Variants in TRPM3 observed in about 807,000 individuals in gnomAD.
TRPM3 encodes transient receptor potential cation channel subfamily M member 3.
A neutral mutation model predicts 181.2 loss-of-function variants in TRPM3; 77 were observed. That is an observed-to-expected ratio of 0.42 (90% CI 0.35 to 0.51). TRPM3 has a LOEUF of 0.51. Among genes scored for constraint, TRPM3 ranks in the 20% least tolerant of loss-of-function variants. TRPM3 has a pLI of 0.01. For synonymous variants in TRPM3, 745 were observed against 796.4 expected, an observed-to-expected ratio of 0.94 and a Z score of 1.09; for missense variants, 1,759 against 2,196.7, an observed-to-expected ratio of 0.80 and a Z score of 3.98.
At chr9:70,677,875 A>G (rs2064404903) in intron 9 of TRPM3, among the ~76,000 whole-genome samples, 1 of 152,000 alleles carries the variant, frequency 6.6e-6, no homozygotes, top group African/African-American at 2.4e-5. Flanking sequence ...GCAAATAAAG[A>G]TACAGCACTC....
chr9:71,041,282 G>A (rs2132952429), intron 1 of TRPM3, among the ~76,000 whole-genome samples: 1 of 152,206 alleles, frequency 6.6e-6, no homozygotes, highest in South Asian at 2.1e-4. Flanking sequence ...AAAATTTGGT[G>A]AATCCAAGTA....
Position 70,629,215 on chromosome 9 carries a change from C to A in TRPM3, c.1633-3698G>T, listed in dbSNP as rs57184158. Among the ~76,000 whole-genome samples the A allele has an allele frequency of 2.0e-4, 2 of 10,174 alleles. 1 individual carries two copies. Among genetic ancestry groups the A allele is most frequent in the Non-Finnish European group, 5.0e-4 (2 of 4,002 alleles). 6.7% of individuals were successfully genotyped at this position (10,174 alleles called of 152,430 possible). On this transcript the variant is annotated intron_variant, in intron 12 of 25. Transcript: ENST00000677713. ...GGATAAATGATTCTGTGACCAGTGC[C>A]GGGGGGGGGGGGGGCCTGCGTTCTG...
chr9:70,539,599 A>G (rs987203374), intron 25 of TRPM3, among the ~76,000 whole-genome samples: 10 of 151,850 alleles, frequency 6.6e-5, no homozygotes, highest in Admixed American at 5.3e-4. Context: ...GCTATTCTGT[A>G]TCTGGCAAAC....
intron 1 of TRPM3, among the ~76,000 whole-genome samples, chr9:71,207,352 T>C (rs1166338683): frequency 1.3e-5 from 2 of 152,140 alleles, no homozygotes; most frequent in Non-Finnish European, 2.9e-5. Context: ...TATTTCTCAC[T>C]GTAATTCCTA....
chr9:71,223,183 G>A lies in TRPM3; in HGVS notation c.183+223470C>T, dbSNP rs377277885. 3.3e-5 allele frequency among the ~76,000 whole-genome samples: 5 copies of A among 152,122 alleles called. No homozygotes were observed. In the East Asian group the frequency reaches 9.6e-4, roughly 29 times the overall value. ...CCCCTTCCTTCCTCTTGAGGGAAGGGTAAGAGGACTTTGTCTTGAAACTTG... is the reference window on the plus strand; with the variant it reads ...CCCCTTCCTTCCTCTTGAGGGAAGGATAAGAGGACTTTGTCTTGAAACTTG... On this transcript the variant is annotated intron_variant, in intron 1 of 24. Transcript: ENST00000357533.
intron 1 of TRPM3, among the ~76,000 whole-genome samples, chr9:71,276,062 T>G (rs1283743874): frequency 1.3e-5 from 2 of 152,072 alleles, no homozygotes; most frequent in African/African-American, 2.4e-5. Flanking sequence ...AGGATGGTCT[T>G]GATCTCCTGA....
chr9:70,567,158 C>T (rs145166304), intron 22 of TRPM3, among the ~76,000 whole-genome samples: 2 of 152,318 alleles, frequency 1.3e-5, no homozygotes, highest in African/African-American at 2.4e-5. Context: ...TCCTTAAGCA[C>T]CTTAAACTTT....
chr9:71,240,539 T>A (rs1198920643), intron 1 of TRPM3, among the ~76,000 whole-genome samples: 1 of 152,216 alleles, frequency 6.6e-6, no homozygotes, highest in Non-Finnish European at 1.5e-5. Flanking sequence ...TTTATCCAAG[T>A]CTATATTAAC....
At chr9:71,057,088 T>G (rs1249912820) in intron 1 of TRPM3, among the ~76,000 whole-genome samples, 6 of 151,908 alleles carry the variant, frequency 3.9e-5, no homozygotes, top group Non-Finnish European at 7.4e-5. Flanking sequence ...TTTTGTTAAG[T>G]CTCCAGACAC....
chr9:71,425,361 C>T (rs528992405), intron 1 of TRPM3, among the ~76,000 whole-genome samples: 7 of 152,118 alleles, frequency 4.6e-5, no homozygotes, highest in Non-Finnish European at 8.8e-5. Context: ...TGGCCTTTGG[C>T]TTTCTTCCAA....
At chr9:70,821,058 G>T (rs2093124187) in intron 6 of TRPM3, among the ~76,000 whole-genome samples, 1 of 152,154 alleles carries the variant, frequency 6.6e-6, no homozygotes, top group South Asian at 2.1e-4. Context: ...CAGAAAAGAT[G>T]ACTGTTAAAT....
chr9:70,768,998 C>T (rs944825582), intron 7 of TRPM3, among the ~76,000 whole-genome samples: 5 of 152,128 alleles, frequency 3.3e-5, no homozygotes, highest in Non-Finnish European at 5.9e-5. Context: ...GGTTTTCATC[C>T]TCATCATATC....
At chr9:70,961,674 T>C (rs2097138120) in intron 1 of TRPM3, among the ~76,000 whole-genome samples, 1 of 152,210 alleles carries the variant, frequency 6.6e-6, no homozygotes, top group South Asian at 2.1e-4. Context: ...TTGTGACTAT[T>C]TTAGTTTTCT....
intron 8 of TRPM3, among the ~76,000 whole-genome samples, chr9:70,696,111 C>A (rs777735705): frequency 2.0e-5 from 3 of 152,208 alleles, no homozygotes; most frequent in Admixed American, 6.5e-5. Flanking sequence ...ATCTTCCCCT[C>A]CGTTCTATTC....
intron 8 of TRPM3, among the ~76,000 whole-genome samples, chr9:70,695,072 C>A (rs1478995010): frequency 6.6e-6 from 1 of 152,210 alleles, no homozygotes; most frequent in African/African-American, 2.4e-5. Context: ...GACACTGGCA[C>A]TTTCTTGGCC....
At chr9:71,295,529 G>GATTATGAATCCCAAATAGCCATT (rs1454789891) in intron 1 of TRPM3, among the ~76,000 whole-genome samples, 12 of 145,560 alleles carry the variant, frequency 8.2e-5, no homozygotes, top group Non-Finnish European at 9.1e-5. Context: ...TGTATCTAAA[G>GATTATGAATCCCAAATAGCCATT]TCTCTGAAAT....
intron 6 of TRPM3, among the ~76,000 whole-genome samples, chr9:70,808,090 C>T (rs2091087269): frequency 6.6e-6 from 1 of 152,104 alleles, no homozygotes; most frequent in Admixed American, 6.5e-5. Context: ...GCTATAAAAA[C>T]AGATGAAAAA....
intron 1 of TRPM3, among the ~76,000 whole-genome samples, chr9:71,425,822 C>T (rs902776560): frequency 1.3e-5 from 2 of 152,106 alleles, no homozygotes; most frequent in South Asian, 2.1e-4. Context: ...AAATTCATCC[C>T]GTAGCACTCT....
intron 1 of TRPM3, among the ~76,000 whole-genome samples, chr9:71,107,117 C>T (rs571142093): frequency 3.9e-5 from 6 of 152,172 alleles, no homozygotes; most frequent in Non-Finnish European, 8.8e-5. Context: ...ATGAGCTGTA[C>T]ATCAAAGCAG....
Sources: gnomAD v4.1 joint callset for allele counts (sites outside exome capture counted in the v4.1 genomes callset) on GRCh38, gnomAD v4.1.1 for gene constraint, MANE v1.5 for transcripts, NCBI Gene and HGNC (gene_info 2026-07-23, HGNC 2026-07-21) for gene names.